The following SGCZ variants were observed in gnomAD, a reference collection of about 807,000 sequenced individuals.
The protein encoded by SGCZ is sarcoglycan zeta, also known as zeta-sarcoglycan.
SGCZ carries 40 observed loss-of-function variants against 41.3 expected under a neutral mutation model. That is an observed-to-expected ratio of 0.97 (90% CI 0.75 to 1.26). The LOEUF (loss-of-function observed/expected upper bound fraction) is 1.26, where lower values mean the gene tolerates loss of function less well. SGCZ is among the 50% of genes most tolerant of loss of function. The pLI is 0.00. For synonymous variants in SGCZ, 206 were observed against 137.5 expected, an observed-to-expected ratio of 1.50 and a Z score of -3.49; for missense variants, 552 against 369.8, an observed-to-expected ratio of 1.49 and a Z score of -4.04.
At chr8:14,376,439 G>A (rs969291316) in intron 2 of SGCZ, among the ~76,000 whole-genome samples, 4 of 152,162 alleles carry the variant, frequency 2.6e-5, no homozygotes, top group African/African-American at 9.7e-5. Flanking sequence ...AAGGTTAGAT[G>A]ACATTTAACC....
At chr8:14,169,196 T>A (rs942904462) in intron 4 of SGCZ, among the ~76,000 whole-genome samples, 4 of 152,128 alleles carry the variant, frequency 2.6e-5, no homozygotes, top group African/African-American at 9.7e-5. Context: ...TTGGGGGAAC[T>A]TTTTTGCTAA....
At position 14,334,302 on chromosome 8, in the gene SGCZ, G is replaced by C. The variant is rs141049262; in HGVS notation, c.235-10098C>G. On this transcript the variant is annotated intron_variant, in intron 2 of 7. Transcript: ENST00000382080. Reference sequence around the variant, plus strand: ...TATTAATAATAGCTCAGTTCATACAGCACTTCAGCAGATATTGAGCCTATG... The same window carrying C: ...TATTAATAATAGCTCAGTTCATACACCACTTCAGCAGATATTGAGCCTATG... Among the ~76,000 whole-genome samples the C allele has an allele frequency of 2.0e-3, 306 of 152,054 alleles. 3 individuals carry two copies. Among genetic ancestry groups the C allele is most frequent in the Middle Eastern group, 6.8e-3 (2 of 294 alleles).
At chr8:14,784,913 A>AAAAAAAAAAAAAAAAAAAAAT (rs1408574493) in intron 1 of SGCZ, among the ~76,000 whole-genome samples, 1 of 88,038 alleles carries the variant, frequency 1.1e-5, no homozygotes, top group African/African-American at 4.7e-5. Context: ...AAAAAAAAAA[A>AAAAAAAAAAAAAAAAAAAAAT]ATATATATAT....
chr8:14,104,391 C>A (rs1802137129), intron 6 of SGCZ, among the ~76,000 whole-genome samples: 1 of 150,074 alleles, frequency 6.7e-6, no homozygotes, highest in Non-Finnish European at 1.5e-5. Context: ...AAAGTTGCAA[C>A]AAGATACAGT....
At chr8:14,516,988 G>A (rs1231157922) in intron 2 of SGCZ, among the ~76,000 whole-genome samples, 5 of 152,032 alleles carry the variant, frequency 3.3e-5, no homozygotes, top group Non-Finnish European at 2.9e-5. Flanking sequence ...TAGATACAAG[G>A]GTGGAGCCAG....
intron 1 of SGCZ, among the ~76,000 whole-genome samples, chr8:15,129,622 C>G (rs1252515853): frequency 6.9e-6 from 1 of 144,934 alleles, no homozygotes; most frequent in Non-Finnish European, 1.5e-5. Flanking sequence ...ACCAGCCATG[C>G]ATGGGAACAG....
At chr8:14,636,537 A>T (rs13270975) in intron 1 of SGCZ, among the ~76,000 whole-genome samples, 67,454 of 151,646 alleles carry the variant, frequency 0.44, 15,323 homozygotes, top group East Asian at 0.68. Flanking sequence ...TCTTGTCAGA[A>T]TTTTTGCTTA....
chr8:14,311,714 T>G (rs1377872163), intron 3 of SGCZ, among the ~76,000 whole-genome samples: 1 of 152,190 alleles, frequency 6.6e-6, no homozygotes, highest in Non-Finnish European at 1.5e-5. Flanking sequence ...TGGAGAAGTA[T>G]ATTTTCAAAG....
At chr8:14,377,814 A>C (rs1441957819) in intron 2 of SGCZ, among the ~76,000 whole-genome samples, 1 of 151,864 alleles carries the variant, frequency 6.6e-6, no homozygotes, top group African/African-American at 2.4e-5. Context: ...TTTACTGAGA[A>C]TGATGATTAC....
intron 2 of SGCZ, among the ~76,000 whole-genome samples, chr8:14,366,336 T>G (rs1281328379): frequency 6.6e-6 from 1 of 152,128 alleles, no homozygotes; most frequent in Non-Finnish European, 1.5e-5. Context: ...AAGGAGAGCA[T>G]GTGTAAGCAC....
At chr8:14,667,289 A>T (rs1807940540) in intron 1 of SGCZ, among the ~76,000 whole-genome samples, 1 of 152,190 alleles carries the variant, frequency 6.6e-6, no homozygotes, top group African/African-American at 2.4e-5. Flanking sequence ...CTAACTTAGG[A>T]AAGTTATTTG....
At chr8:14,812,283 G>A (rs998440283) in intron 1 of SGCZ, among the ~76,000 whole-genome samples, 7 of 151,498 alleles carry the variant, frequency 4.6e-5, no homozygotes, top group African/African-American at 1.7e-4. Flanking sequence ...CTTTGAATTG[G>A]CATCTACAGA....
intron 1 of SGCZ, among the ~76,000 whole-genome samples, chr8:15,193,395 T>C (rs1457112466): frequency 6.6e-6 from 1 of 152,110 alleles, no homozygotes; most frequent in Non-Finnish European, 1.5e-5. Flanking sequence ...TTGGACTATT[T>C]ATTTTAATAT....
chr8:14,105,945 AC>A (rs1203284175), intron 6 of SGCZ, among the ~76,000 whole-genome samples: 1 of 152,156 alleles, frequency 6.6e-6, no homozygotes, highest in Admixed American at 6.5e-5. Flanking sequence ...ATTTAAAAAT[AC>A]TTCTATAAAT....
At chr8:14,489,735 T>A (rs1801786825) in intron 2 of SGCZ, among the ~76,000 whole-genome samples, 1 of 152,108 alleles carries the variant, frequency 6.6e-6, no homozygotes, top group Admixed American at 6.5e-5. Context: ...TATCTCCCAG[T>A]CTCTGTGAGA....
At chr8:14,540,604 T>C (rs925712334) in intron 2 of SGCZ, among the ~76,000 whole-genome samples, 5 of 151,956 alleles carry the variant, frequency 3.3e-5, no homozygotes, top group African/African-American at 9.7e-5. Flanking sequence ...TTTTAGTGTA[T>C]GCAACTTGAT....
At chr8:14,630,465 G>T (rs1016411930) in intron 1 of SGCZ, among the ~76,000 whole-genome samples, 1 of 151,982 alleles carries the variant, frequency 6.6e-6, no homozygotes, top group Non-Finnish European at 1.5e-5. Flanking sequence ...ACAGTGTGGC[G>T]ATTCCTCAAG....
chr8:14,667,181 G>C (rs1807937516), intron 1 of SGCZ, among the ~76,000 whole-genome samples: 1 of 152,100 alleles, frequency 6.6e-6, no homozygotes, highest in Non-Finnish European at 1.5e-5. Context: ...AGGAGGAAGG[G>C]CTGAGAGTAA....
chr8:15,108,999 T>G (rs1208701055), intron 1 of SGCZ, among the ~76,000 whole-genome samples: 4 of 152,184 alleles, frequency 2.6e-5, no homozygotes, highest in African/African-American at 9.7e-5. Context: ...TCTCCATTTC[T>G]ACATTTTGAG....
Sources: gnomAD v4.1 joint callset for allele counts (sites outside exome capture counted in the v4.1 genomes callset) on GRCh38, gnomAD v4.1.1 for gene constraint, MANE v1.5 for transcripts, NCBI Gene and HGNC (gene_info 2026-07-23, HGNC 2026-07-21) for gene names.